The following TNIP1 variants were observed in gnomAD, a reference collection of about 807,000 sequenced individuals.
TNIP1 encodes TNFAIP3 interacting protein 1, also known as TNFAIP3-interacting protein 1.
In TNIP1, 22 loss-of-function variants were observed where a neutral mutation model predicts 86.6. The observed-to-expected ratio is 0.25, with a 90% confidence interval of 0.18 to 0.36. The LOEUF is 0.36. Ranked by LOEUF, TNIP1 falls within the 10% of genes least tolerant of loss-of-function variation. The probability of loss-of-function intolerance (pLI) is 1.00; values close to 1 mark genes in which losing one functional copy is unlikely to be tolerated. For missense variants in TNIP1, 709 were observed against 820.6 expected, an observed-to-expected ratio of 0.86 and a Z score of 1.66; for synonymous variants, 294 against 313.0, an observed-to-expected ratio of 0.94 and a Z score of 0.64.
intron 4 of TNIP1, among the ~76,000 whole-genome samples, chr5:151,061,314 T>C (rs1044457055): frequency 3.3e-5 from 5 of 152,092 alleles, no homozygotes; most frequent in African/African-American, 1.2e-4. Context: ...CTCTGGCTCT[T>C]GGCCCTGCCC....
At chr5:151,075,005 T>G (rs899604556) in intron 1 of TNIP1, among the ~76,000 whole-genome samples, 1 of 152,216 alleles carries the variant, frequency 6.6e-6, no homozygotes, top group African/African-American at 2.4e-5. Flanking sequence ...CTCAAACTCC[T>G]GGGCTCAAGA....
intron 4 of TNIP1, 149 bp downstream of exon 4, chr5:151,061,978 A>C (rs1761625723): frequency 7.3e-6 from 5 of 685,404 alleles, no homozygotes; most frequent in Non-Finnish European, 1.2e-5. Context: ...GAGGCCCCAG[A>C]GAGTTTGCGA....
rs562266947 is a variant in TNIP1 at position 151,047,870 on chromosome 5, C to T, written c.847-1920G>A. Among the ~76,000 whole-genome samples, 7 of 152,238 alleles carry T rather than the reference C, an allele frequency of 4.6e-5. No individual in the cohort carries two copies. The Middle Eastern group carries it at 0.01, about 222-fold the overall frequency. ...GCTCAAACAGAAGAAGGTCTGCAGG[C>T]CCCATCCGGACTTCTGACATTGTCT... On this transcript the variant is annotated intron_variant, in intron 8 of 17. Coordinates refer to ENST00000521591, the MANE Select transcript of TNIP1 (RefSeq NM_006058.5).
In TNIP1 at chr5:151,066,576, A is replaced by G. The variant is rs114581864; in HGVS notation, c.-36-1445T>C. Among the ~76,000 whole-genome samples, 1,441 of 152,382 alleles carry G rather than the reference A, an allele frequency of 9.5e-3. 27 individuals are homozygous for G. The highest frequency in any genetic ancestry group is 0.033 in the African/African-American group (1,386 of 41,588). On this transcript the variant is annotated intron_variant, in intron 1 of 17. Transcript: ENST00000521591. ...TGTAAATGAAAGATCAGAGTGAGAA[A>G]GGATTAACAGCAACACCACCATGCT...
intron 2 of TNIP1, 84 bp from the exon 3 acceptor site, chr5:151,063,831 T>C (rs1446738519): frequency 6.5e-7 from 1 of 1,537,974 alleles, no homozygotes; most frequent in Admixed American, 1.9e-5. Context: ...CTAACCGTGC[T>C]GCCGCCTGGC....
intron 1 of TNIP1, among the ~76,000 whole-genome samples, chr5:151,077,196 C>T (rs1204718994): frequency 2.0e-5 from 3 of 152,088 alleles, no homozygotes; most frequent in African/African-American, 7.2e-5. Context: ...CCAAACTGGC[C>T]CCTTTTATAA....
rs1757750542 is a variant in TNIP1, at chr5:151,036,729, C to T, written c.1395+61G>A. ...CATGTGATTCCAAGCCGTCTGGGCC[C>T]TCAGGAAAGCTCCAGCTCCCACAGA... On this transcript the variant is annotated intron_variant, in intron 13 of 17. Transcript: ENST00000521591. The T allele has an allele frequency of 1.9e-6, 3 of 1,611,616 alleles. No homozygotes were observed. In the Admixed American group the frequency reaches 5.0e-5, roughly 27 times the overall value.
chr5:151,046,220 T>G, intron 8 of TNIP1: 1 of 483,688 alleles, frequency 2.1e-6, no homozygotes, highest in East Asian at 3.8e-5. Flanking sequence ...TCTCCCTGTT[T>G]AGGTACAACC....
At chr5:151,061,748 G>A (rs1030521105) in intron 4 of TNIP1, among the ~76,000 whole-genome samples, 1 of 152,208 alleles carries the variant, frequency 6.6e-6, no homozygotes, top group African/African-American at 2.4e-5. Context: ...CAAGTGCTGG[G>A]ATTATAGGCA....
At chr5:151,056,160 G>A (rs1016195768) in intron 6 of TNIP1, among the ~76,000 whole-genome samples, 1 of 152,174 alleles carries the variant, frequency 6.6e-6, no homozygotes, top group African/African-American at 2.4e-5. Context: ...CAGCAATAAA[G>A]GGTCACTACT....
intron 4 of TNIP1, among the ~76,000 whole-genome samples, chr5:151,061,131 A>G (rs1436900938): frequency 5.3e-5 from 8 of 152,328 alleles, no homozygotes; most frequent in South Asian, 4.1e-4. Context: ...TGGTCATTCA[A>G]CCAACCAAGA....
chr5:151,044,071 AT>A (rs1290183957), intron 9 of TNIP1, among the ~76,000 whole-genome samples: 5 of 150,356 alleles, frequency 3.3e-5, no homozygotes, highest in Non-Finnish European at 5.9e-5. Context: ...AAGGCAGTTA[AT>A]TTTTTTTTTG....
chr5:151,049,900 T>A lies in TNIP1; in HGVS notation c.770A>T (p.Lys257Ile), dbSNP rs945789901. The part of the protein sequence containing the change: ...LKKLLMSNGN[K>I]EGASGRPGSP... ...GCCTGGCCGCCCAGACGCACCCTCTTTGTTGCCATTGCTCATCAACAACTT... is the reference window on the plus strand; with the variant it reads ...GCCTGGCCGCCCAGACGCACCCTCTATGTTGCCATTGCTCATCAACAACTT... Residue 257 changes from lysine (K) to isoleucine (I), a missense_variant, in exon 8 of 18, where the codon AAA becomes ATA. Lys to Ile is a moderately radical substitution (Grantham distance 102). Coordinates refer to ENST00000521591, the MANE Select transcript of TNIP1 (RefSeq NM_006058.5). The A allele has an allele frequency of 1.1e-5, 18 of 1,614,076 alleles. No homozygotes were observed. Among genetic ancestry groups the A allele is most frequent in the Non-Finnish European group, 1.3e-5 (15 of 1,180,030 alleles).
intron 1 of TNIP1, among the ~76,000 whole-genome samples, chr5:151,068,910 C>G (rs1762535010): frequency 6.6e-6 from 1 of 152,252 alleles, no homozygotes; most frequent in Non-Finnish European, 1.5e-5. Context: ...AAACCAGAAA[C>G]AGCTGGTGGT....
At chr5:151,082,755 C>CT (rs1309558947), upstream of TNIP1, among the ~76,000 whole-genome samples, 19 of 152,332 alleles carry the variant, frequency 1.2e-4, no homozygotes, top group African/African-American at 4.3e-4. Context: ...ACTCAGTCAT[C>CT]TTTTTGTCTG....
At chr5:151,044,057 C>T (rs1005901600) in intron 9 of TNIP1, among the ~76,000 whole-genome samples, 4 of 152,108 alleles carry the variant, frequency 2.6e-5, no homozygotes, top group Non-Finnish European at 5.9e-5. Context: ...AATAGATACT[C>T]TCAAAGGCAG....
chr5:151,049,673 G>GT, intron 8 of TNIP1, 151 bp downstream of exon 8: 1 of 932,184 alleles, frequency 1.1e-6, no homozygotes, highest in South Asian at 1.6e-5. Flanking sequence ...TGGAGGTCAG[G>GT]CCAAGTAAAG....
intron 1 of TNIP1, among the ~76,000 whole-genome samples, chr5:151,077,765 G>A (rs1581934044): frequency 6.6e-6 from 1 of 152,230 alleles, no homozygotes; most frequent in East Asian, 1.9e-4. Flanking sequence ...CCAGGATTGT[G>A]ATGCATGCTC....
intron 11 of TNIP1, 149 bp downstream of exon 11, chr5:151,042,391 G>A (rs1758537058): frequency 1.1e-6 from 1 of 950,424 alleles, no homozygotes; most frequent in Non-Finnish European, 1.5e-6. Context: ...GCAGTGCAGG[G>A]AAGGAACGTG....
Sources: gnomAD v4.1 joint callset for allele counts (sites outside exome capture counted in the v4.1 genomes callset) on GRCh38, gnomAD v4.1.1 for gene constraint, MANE v1.5 for transcripts, NCBI Gene and HGNC (gene_info 2026-07-23, HGNC 2026-07-21) for gene names.